Variants in EPB41 observed in about 807,000 individuals in gnomAD.
EPB41 encodes erythrocyte membrane protein band 4.1.
In EPB41, 65 loss-of-function variants were observed where a neutral mutation model predicts 108.0. The observed-to-expected ratio is 0.60, with a 90% CI of 0.49 to 0.74. The LOEUF (loss-of-function observed/expected upper bound fraction) is 0.74. EPB41 is among the 30% of genes least tolerant of loss of function. The pLI, the probability that EPB41 is intolerant of heterozygous loss-of-function variation, is 0.00. For synonymous variants in EPB41, 336 were observed against 358.9 expected (o/e 0.94, Z 0.72); for missense variants, 875 against 1,037.0 (o/e 0.84, Z 2.15).
chr1:29,065,550 A>G (rs1647203194), intron 16 of EPB41: 1 of 158,792 alleles, frequency 6.3e-6, no homozygotes, highest in Non-Finnish European at 1.4e-5. Context: ...AGTCTTTTTA[A>G]AAAGCTTTAT....
chr1:28,936,184 T>C (rs528387969), intron 1 of EPB41, among the ~76,000 whole-genome samples: 55 of 152,310 alleles, frequency 3.6e-4, no homozygotes, highest in Non-Finnish European at 6.9e-4. Context: ...TACTTGGTAA[T>C]TAATAGTCAA....
rs370236562 is a variant in EPB41 at position 29,113,407 on chromosome 1, GT to G, written c.2496+961del. ...AGTTCCCTTGGAGGCAGGGTTGAGA[GT>G]TACAGCTGAGAATAGTGGACACAGG... is the stretch of plus-strand genomic sequence containing the variant. On this transcript the variant is annotated intron_variant, in intron 19 of 20. Transcript: ENST00000343067. Among the ~76,000 whole-genome samples, 5 of 152,374 alleles carry G rather than the reference GT, an allele frequency of 3.3e-5. No homozygotes were observed. In the East Asian group the frequency reaches 9.6e-4, roughly 29 times the overall value.
At chr1:28,912,494 T>A (rs1473850005), upstream of EPB41, among the ~76,000 whole-genome samples, 1 of 152,134 alleles carries the variant, frequency 6.6e-6, no homozygotes, top group Non-Finnish European at 1.5e-5. Flanking sequence ...ATTTGCCAGT[T>A]CCACACCTCT....
At chr1:28,907,513 AG>A (rs1485796530) in intron 1 of EPB41, among the ~76,000 whole-genome samples, 1 of 152,138 alleles carries the variant, frequency 6.6e-6, no homozygotes, top group Non-Finnish European at 1.5e-5. Flanking sequence ...AGACATGCCA[AG>A]AAACAAGGGC....
chr1:28,917,076 C>T (rs938081221), intron 1 of EPB41, among the ~76,000 whole-genome samples: 7 of 152,020 alleles, frequency 4.6e-5, no homozygotes, highest in African/African-American at 1.2e-4. Flanking sequence ...CAGATGTGAG[C>T]CACCTCACCC....
chr1:28,955,449 C>G (rs892914984), intron 1 of EPB41, among the ~76,000 whole-genome samples: 3 of 151,908 alleles, frequency 2.0e-5, no homozygotes, highest in African/African-American at 7.3e-5. Context: ...CCAAGTGATT[C>G]TTCTGCCTCA....
chr1:29,084,303 G>A (rs1199435659), intron 16 of EPB41, among the ~76,000 whole-genome samples: 3 of 152,182 alleles, frequency 2.0e-5, no homozygotes, highest in Non-Finnish European at 4.4e-5. Flanking sequence ...AGTTTTATGT[G>A]TTAAATTTTC....
intron 4 of EPB41, among the ~76,000 whole-genome samples, chr1:29,011,514 A>C (rs1206108249): frequency 6.6e-6 from 1 of 152,220 alleles, no homozygotes; most frequent in African/African-American, 2.4e-5. Context: ...CTTACTTAGC[A>C]TTTGCTGTTT....
intron 19 of EPB41, among the ~76,000 whole-genome samples, chr1:29,112,993 G>A (rs1032759758): frequency 5.3e-5 from 8 of 152,156 alleles, no homozygotes; most frequent in Non-Finnish European, 8.8e-5. Flanking sequence ...CAGCAGACTC[G>A]AAACTTGTTT....
chr1:29,015,809 A>G, intron 6 of EPB41, 42 bp downstream of exon 6: 1 of 1,249,046 alleles, frequency 8.0e-7, no homozygotes, highest in Non-Finnish European at 1.2e-6. Flanking sequence ...TCATATAATA[A>G]TGTGTATGAT....
intron 16 of EPB41, among the ~76,000 whole-genome samples, chr1:29,090,842 C>G (rs1660925055): frequency 6.6e-6 from 1 of 152,064 alleles, no homozygotes; most frequent in South Asian, 2.1e-4. Flanking sequence ...ATTCTACACC[C>G]CTGGGAGGAT....
intron 1 of EPB41, among the ~76,000 whole-genome samples, chr1:28,898,606 C>T (rs1441205692): frequency 1.3e-5 from 2 of 152,200 alleles, no homozygotes; most frequent in Non-Finnish European, 2.9e-5. Context: ...TCTCCTTGGC[C>T]CCACCCACTG....
intron 16 of EPB41, among the ~76,000 whole-genome samples, chr1:29,076,713 GC>G (rs1399132889): frequency 1.3e-5 from 2 of 152,142 alleles, no homozygotes; most frequent in African/African-American, 4.8e-5. Flanking sequence ...TCTCTTTTGT[GC>G]CTTTCTCCTC....
chr1:29,106,460 T>C (rs1000090746), intron 17 of EPB41, among the ~76,000 whole-genome samples: 1 of 151,904 alleles, frequency 6.6e-6, no homozygotes. Context: ...ATTTTATTTA[T>C]TTATTTATTT....
intron 1 of EPB41, among the ~76,000 whole-genome samples, chr1:28,941,894 C>CAAAAAAAAAAAAAAAAAAAAAAAAAAAA (rs58524634): frequency 1.5e-5 from 1 of 64,872 alleles, no homozygotes; most frequent in Non-Finnish European, 2.8e-5. Flanking sequence ...AGCTCTGTCT[C>CAAAAAAAAAAAAAAAAAAAAAAAAAAAA]AAAAAAAAAA....
intron 11 of EPB41, among the ~76,000 whole-genome samples, chr1:29,049,592 A>C (rs1204726969): frequency 6.6e-6 from 1 of 152,228 alleles, no homozygotes. Context: ...TGGTCCTCTG[A>C]TAAAAGAACC....
At chr1:28,902,009 T>A (rs2147919851) in intron 1 of EPB41, among the ~76,000 whole-genome samples, 1 of 152,342 alleles carries the variant, frequency 6.6e-6, no homozygotes, top group African/African-American at 2.4e-5. Context: ...TTGTCTATAT[T>A]ATTCAGCGTT....
intron 17 of EPB41, among the ~76,000 whole-genome samples, chr1:29,102,655 T>C (rs1251253105): frequency 6.6e-6 from 1 of 152,180 alleles, no homozygotes; most frequent in East Asian, 1.9e-4. Context: ...TGGCATGATC[T>C]CAGCTCACTG....
At chr1:28,950,695 G>C (rs571075002) in intron 1 of EPB41, among the ~76,000 whole-genome samples, 2 of 152,262 alleles carry the variant, frequency 1.3e-5, no homozygotes, top group African/African-American at 4.8e-5. Flanking sequence ...CTCTTGAGTA[G>C]CTTGTTCTTA....
Sources: gnomAD v4.1 joint callset for allele counts (sites outside exome capture counted in the v4.1 genomes callset) on GRCh38, gnomAD v4.1.1 for gene constraint, MANE v1.5 for transcripts, NCBI Gene and HGNC (gene_info 2026-07-23, HGNC 2026-07-21) for gene names.